The following CRB1 variants were observed in gnomAD, a reference collection of about 807,000 sequenced individuals.
The protein encoded by CRB1 is crumbs cell polarity complex component 1, also known as protein crumbs homolog 1.
Under a neutral mutation model 120.0 loss-of-function variants are expected in CRB1, and 83 were observed. The observed-to-expected ratio is 0.69, with a 90% CI of 0.58 to 0.83. The LOEUF is 0.83. Among genes scored for constraint, CRB1 ranks in the 40% least tolerant of loss-of-function variants. CRB1 has a pLI of 0.00. For missense variants in CRB1, 1,699 were observed against 1,687.6 expected (o/e 1.01, Z -0.12); for synonymous variants, 625 against 612.5 (o/e 1.02, Z -0.30).
chr1:197,409,694 G>C (rs1663599981), intron 5 of CRB1, among the ~76,000 whole-genome samples: 1 of 152,078 alleles, frequency 6.6e-6, no homozygotes, highest in Non-Finnish European at 1.5e-5. Flanking sequence ...AGCAATACAT[G>C]CTTCATCATT....
intron 10 of CRB1, chr1:197,441,659 CTTTTTTTTTTTTTTT>C (rs5779872): frequency 4.4e-5 from 3 of 68,196 alleles, no homozygotes; most frequent in Non-Finnish European, 7.6e-5. Context: ...TTCCCTCCTT[CTTTTTTTTTTTTTTT>C]TTTTTTTTTG....
At chr1:197,378,116 C>A (rs1321368055) in intron 5 of CRB1, among the ~76,000 whole-genome samples, 1 of 152,136 alleles carries the variant, frequency 6.6e-6, no homozygotes, top group Non-Finnish European at 1.5e-5. Context: ...ATTTTTACTT[C>A]CTGACATCTC....
chr1:197,472,507 C>T (rs891750129), intron 11 of CRB1, among the ~76,000 whole-genome samples: 19 of 152,162 alleles, frequency 1.2e-4, no homozygotes, highest in African/African-American at 4.6e-4. Context: ...GTTACATTTT[C>T]CAAAAAATCC....
chr1:197,424,696 C>T (rs1197431161), intron 6 of CRB1, among the ~76,000 whole-genome samples: 1 of 152,178 alleles, frequency 6.6e-6, no homozygotes, highest in East Asian at 1.9e-4. Context: ...CATTGTCACT[C>T]ATGATGCCAC....
chr1:197,288,658 T>A (rs1385257583), intron 1 of CRB1, among the ~76,000 whole-genome samples: 1 of 151,812 alleles, frequency 6.6e-6, no homozygotes, highest in Non-Finnish European at 1.5e-5. Context: ...AAATCAAACT[T>A]ATAGAGAAAG....
chr1:197,427,970 C>T lies in CRB1; in HGVS notation c.2645C>T (p.Thr882Ile), dbSNP rs200354761. The change falls in exon 7 of 12, where the codon ACC becomes ATC. Residue 882 changes from threonine to isoleucine, a missense_variant. Transcript: ENST00000367400. Reference sequence around the variant, plus strand: ...CTCAATCCAGTTCTTGTCAATGTAACCCAAGGCTGTGCTGGAGACAACAGC... The same window carrying T: ...CTCAATCCAGTTCTTGTCAATGTAATCCAAGGCTGTGCTGGAGACAACAGC... ...ASLNPVLVNV[T>I]QGCAGDNSCK... 12 of 1,613,880 alleles carry T rather than the reference C, an allele frequency of 7.4e-6. No individual in the cohort carries two copies. The highest frequency in any genetic ancestry group is 4.0e-5 in the African/African-American group (3 of 75,028).
At chr1:197,453,213 C>G (rs1666052579) in intron 11 of CRB1, among the ~76,000 whole-genome samples, 1 of 148,420 alleles carries the variant, frequency 6.7e-6, no homozygotes, top group Admixed American at 6.8e-5. Context: ...GTGCTAGGAG[C>G]TAGGGGGAAG....
At chr1:197,230,652 G>A in the CRB1 span, among the ~76,000 whole-genome samples, 1 of 152,022 alleles carries the variant, frequency 6.6e-6, no homozygotes, top group African/African-American at 2.4e-5. Context: ...GTCTACCAGT[G>A]GTATGTGAAA....
At chr1:197,216,845 T>C in the CRB1 span, among the ~76,000 whole-genome samples, 1 of 152,136 alleles carries the variant, frequency 6.6e-6, no homozygotes, top group Non-Finnish European at 1.5e-5. Flanking sequence ...TACTCTATGA[T>C]CTTCAGAGAA....
At chr1:197,410,000 T>C (rs2125448910) in intron 5 of CRB1, among the ~76,000 whole-genome samples, 1 of 152,288 alleles carries the variant, frequency 6.6e-6, no homozygotes, top group Non-Finnish European at 1.5e-5. Context: ...TTAGCCAGAA[T>C]GATCTCGATC....
Position 197,303,380 on chromosome 1 carries a change from G to T in CRB1, c.71-25042G>T, listed in dbSNP as rs916587617. 4.8e-5 allele frequency among the ~76,000 whole-genome samples: 7 copies of T among 147,096 alleles called. No homozygotes were observed. In the South Asian group the frequency reaches 8.7e-4, roughly 18 times the overall value. ...TCCCACCTATGAGTGAGAATATGTG[G>T]TGTTTGGTTTTTTGTATGAAAAGAA... is the stretch of plus-strand genomic sequence containing the variant. On this transcript the variant is annotated intron_variant, in intron 1 of 11. Transcript: ENST00000367400.
chr1:197,410,452 TCTAA>T lies in CRB1; in HGVS notation c.1172-10544_1172-10541del, dbSNP rs562263765. ...GAGAAAAATTGTGGACATGATGAAA[TCTAA>T]CTATGTTTTTAAGCAAATAAAAATA... On this transcript the variant is annotated intron_variant, in intron 5 of 11. Coordinates refer to ENST00000367400, the MANE Select transcript of CRB1 (RefSeq NM_201253.3). 7.2e-5 allele frequency among the ~76,000 whole-genome samples: 11 copies of T among 152,278 alleles called. No homozygotes were observed. In the South Asian group the frequency reaches 8.3e-4, roughly 11 times the overall value.
At chr1:197,449,789 G>A (rs900383785) in intron 11 of CRB1, among the ~76,000 whole-genome samples, 1 of 152,184 alleles carries the variant, frequency 6.6e-6, no homozygotes, top group African/African-American at 2.4e-5. Flanking sequence ...GTCTTTAGCT[G>A]GGTGACTTGG....
chr1:197,421,073 G>A lies in CRB1; in HGVS notation c.1245G>A (p.Leu415=). ...PCQNGGTCEN[L]PGNYTCHCPF... ...AAAATGGTGGTACTTGTGAGAACTT[G>A]CCTGGGAATTATACTTGCCATTGCC... Residue 415 remains leucine (L), a synonymous_variant, in exon 6 of 12, where the codon TTG becomes TTA. Coordinates refer to ENST00000367400, the MANE Select transcript of CRB1 (RefSeq NM_201253.3). 1 of 1,614,202 alleles carries A rather than the reference G, an allele frequency of 6.2e-7. No individual in the cohort carries two copies. Among genetic ancestry groups the A allele is most frequent in the Non-Finnish European group, 8.5e-7 (1 of 1,180,030 alleles).
intron 1 of CRB1, among the ~76,000 whole-genome samples, chr1:197,311,800 T>A (rs1489412682): frequency 4.0e-5 from 6 of 151,752 alleles, no homozygotes; most frequent in African/African-American, 1.5e-4. Context: ...TAATACACTA[T>A]TAATATTATT....
chr1:197,209,664 C>T, the CRB1 span, among the ~76,000 whole-genome samples: 1 of 152,144 alleles, frequency 6.6e-6, no homozygotes, highest in Non-Finnish European at 1.5e-5. Flanking sequence ...GCGGTCTTTT[C>T]CCAGTTCCCC....
chr1:197,381,360 T>C (rs943924336), intron 5 of CRB1, among the ~76,000 whole-genome samples: 2 of 152,226 alleles, frequency 1.3e-5, no homozygotes, highest in Non-Finnish European at 2.9e-5. Flanking sequence ...CCTCACTTAC[T>C]TCGTATCTCA....
At chr1:197,272,491 A>G (rs1229794138) in intron 1 of CRB1, among the ~76,000 whole-genome samples, 2 of 152,070 alleles carry the variant, frequency 1.3e-5, no homozygotes, top group African/African-American at 4.8e-5. Flanking sequence ...ATTATCATTC[A>G]TGGTCTCACA....
intron 4 of CRB1, among the ~76,000 whole-genome samples, chr1:197,348,286 T>C (rs1423076818): frequency 6.6e-6 from 1 of 152,158 alleles, no homozygotes. Flanking sequence ...GACAGCTTCA[T>C]GTGTGTTATT....
Sources: gnomAD v4.1 joint callset for allele counts (sites outside exome capture counted in the v4.1 genomes callset) on GRCh38, gnomAD v4.1.1 for gene constraint, MANE v1.5 for transcripts, NCBI Gene and HGNC (gene_info 2026-07-23, HGNC 2026-07-21) for gene names.